FREM1: variants seen among roughly 807,000 people sequenced by gnomAD.
FREM1 encodes FRAS1-related extracellular matrix protein 1.
Under a neutral mutation model 210.1 loss-of-function variants are expected in FREM1, and 220 were observed. The observed-to-expected ratio is 1.05, with a 90% confidence interval of 0.94 to 1.17. The LOEUF (loss-of-function observed/expected upper bound fraction) is 1.17. Among genes scored for constraint, FREM1 ranks in the 50% most tolerant of loss-of-function variants. The pLI, the probability that FREM1 is intolerant of heterozygous loss-of-function variation, is 0.00. For missense variants in FREM1, 3,454 were observed against 2,675.5 expected (o/e 1.29, Z -6.42); for synonymous variants, 1,189 against 980.2 (o/e 1.21, Z -3.98).
chr9:14,747,140 G>T (rs1842610908), intron 33 of FREM1, 89 bp from the exon 34 acceptor site: 1 of 1,590,770 alleles, frequency 6.3e-7, no homozygotes, highest in Non-Finnish European at 8.6e-7. Context: ...TCATTTGTTG[G>T]GAAGCATTTG....
chr9:14,775,701 C>A (rs1413152891), intron 25 of FREM1, 88 bp downstream of exon 25: 2 of 790,104 alleles, frequency 2.5e-6, no homozygotes, highest in South Asian at 3.9e-5. Flanking sequence ...GAGAGAGACT[C>A]CCTCTCAAAA....
At chr9:14,826,851 T>A (rs1228995406) in intron 10 of FREM1, among the ~76,000 whole-genome samples, 2 of 152,174 alleles carry the variant, frequency 1.3e-5, no homozygotes, top group South Asian at 2.1e-4. Flanking sequence ...CGAGGCACCA[T>A]CTTGAAAGCA....
intron 27 of FREM1, among the ~76,000 whole-genome samples, chr9:14,768,774 C>T (rs1464784962): frequency 6.6e-6 from 1 of 152,138 alleles, no homozygotes; most frequent in African/African-American, 2.4e-5. Context: ...CTGAAGACTG[C>T]AGAGGAGTTT....
At chr9:14,751,590 G>A (rs967456328) in intron 29 of FREM1, 2 of 152,332 alleles carry the variant, frequency 1.3e-5, no homozygotes, top group Non-Finnish European at 2.9e-5. Flanking sequence ...AGCCCAGAAG[G>A]TCAAGGCTGC....
chr9:14,877,374 C>G (rs972663228), intron 1 of FREM1, among the ~76,000 whole-genome samples: 7 of 142,154 alleles, frequency 4.9e-5, no homozygotes, highest in Non-Finnish European at 1.1e-4. Flanking sequence ...TAATTAACAG[C>G]AACTCCAACT....
intron 3 of FREM1, among the ~76,000 whole-genome samples, chr9:14,860,732 T>A (rs368589065): frequency 7.8e-6 from 1 of 128,326 alleles, no homozygotes; most frequent in African/African-American, 3.2e-5. Context: ...TATATACACA[T>A]ATATACACAT....
In FREM1 at chr9:14,848,157, A is replaced by G. The variant is rs530888377; in HGVS notation, c.1261+508T>C. ...ATCTCCATTTACATTCCACATTTAC[A>G]TCTGATCAACATATACATATATATA... is the stretch of plus-strand genomic sequence containing the variant. On this transcript the variant is annotated intron_variant, in intron 7 of 36. Transcript: ENST00000380880. 4.6e-4 allele frequency among the ~76,000 whole-genome samples: 70 copies of G among 152,386 alleles called. No homozygotes were observed. In the South Asian group the frequency reaches 6.6e-3, roughly 14 times the overall value.
intron 21 of FREM1, among the ~76,000 whole-genome samples, chr9:14,795,479 G>T (rs1852201688): frequency 6.6e-6 from 1 of 152,158 alleles, no homozygotes; most frequent in Non-Finnish European, 1.5e-5. Context: ...AGCAGTTTCC[G>T]GGAGAAGGAA....
intron 11 of FREM1, 108 bp from the exon 12 acceptor site, chr9:14,824,223 G>A (rs1821905548): frequency 1.5e-6 from 1 of 678,130 alleles, no homozygotes; most frequent in South Asian, 1.9e-5. Context: ...AAGAAATTGG[G>A]TGCTCTATCT....
chr9:14,795,623 C>G (rs1852226803), intron 21 of FREM1, among the ~76,000 whole-genome samples: 1 of 152,140 alleles, frequency 6.6e-6, no homozygotes, highest in African/African-American at 2.4e-5. Flanking sequence ...TTTGATGATT[C>G]TGTAGATGTA....
At chr9:14,829,952 T>C (rs1300907496) in intron 10 of FREM1, among the ~76,000 whole-genome samples, 1 of 152,016 alleles carries the variant, frequency 6.6e-6, no homozygotes, top group African/African-American at 2.4e-5. Flanking sequence ...GAGGAAAGAA[T>C]GGAAGAAGGT....
At chr9:14,871,586 T>G (rs1026144799) in intron 1 of FREM1, among the ~76,000 whole-genome samples, 4 of 152,206 alleles carry the variant, frequency 2.6e-5, no homozygotes, top group Non-Finnish European at 5.9e-5. Context: ...TGCGAAAATT[T>G]TCTCCCATTG....
chr9:14,820,065 G>A (rs371186621), intron 13 of FREM1, among the ~76,000 whole-genome samples: 3 of 152,154 alleles, frequency 2.0e-5, no homozygotes, highest in South Asian at 2.1e-4. Context: ...CTCACTGCTC[G>A]ACTAATAATT....
chr9:14,898,127 C>G (rs1001466479), intron 1 of FREM1, among the ~76,000 whole-genome samples: 1 of 152,198 alleles, frequency 6.6e-6, no homozygotes, highest in African/African-American at 2.4e-5. Context: ...GCCTGTTAAT[C>G]AGCTCTACCA....
rs368012689 is a variant in FREM1, at chr9:14,869,105, C to G, written c.-128G>C. On this transcript the variant is annotated 5_prime_UTR_variant, in exon 2 of 37. Coordinates refer to ENST00000380880, the MANE Select transcript of FREM1 (RefSeq NM_001379081.2). ...GGGTGAGGGGTCCTGACAATGTGCC[C>G]CGAGATCTTAACATGCCCCTTTCAT... 1.6e-6 allele frequency: 1 copy of G among 607,894 alleles called. No homozygotes were observed. The allele number at this position is 607,894 out of a possible 1,614,324, so 37.7% of individuals were successfully genotyped here.
intron 20 of FREM1, among the ~76,000 whole-genome samples, chr9:14,800,502 G>A (rs954600139): frequency 6.6e-6 from 1 of 152,154 alleles, no homozygotes; most frequent in African/African-American, 2.4e-5. Context: ...TCTCTAAAGA[G>A]TAAATTATCC....
intron 1 of FREM1, among the ~76,000 whole-genome samples, chr9:14,892,723 C>T (rs9776129): frequency 0.24 from 36,775 of 151,976 alleles, 4,760 homozygotes; most frequent in East Asian, 0.44. Context: ...TGAAAGATCC[C>T]TCTTCTACTG....
intron 1 of FREM1, among the ~76,000 whole-genome samples, chr9:14,907,654 T>A (rs1019308540): frequency 1.8e-4 from 28 of 152,212 alleles, no homozygotes; most frequent in African/African-American, 6.5e-4. Context: ...AGATTACACT[T>A]GTCTAACTCA....
intron 24 of FREM1, among the ~76,000 whole-genome samples, chr9:14,780,703 A>C (rs1215572223): frequency 1.3e-5 from 2 of 152,190 alleles, no homozygotes; most frequent in Non-Finnish European, 1.5e-5. Context: ...TTAAAAATGG[A>C]AGGGGGAAAA....
Sources: gnomAD v4.1 joint callset for allele counts (sites outside exome capture counted in the v4.1 genomes callset) on GRCh38, gnomAD v4.1.1 for gene constraint, MANE v1.5 for transcripts, NCBI Gene and HGNC (gene_info 2026-07-23, HGNC 2026-07-21) for gene names.